DDAH1: variants seen among roughly 807,000 people sequenced by gnomAD.
DDAH1 encodes the protein N(G),N(G)-dimethylarginine dimethylaminohydrolase 1.
In DDAH1, 19 loss-of-function variants were observed where a neutral mutation model predicts 28.8. That is an observed-to-expected ratio of 0.66 (90% CI 0.46 to 0.97). DDAH1 has a LOEUF of 0.97. Ranked by LOEUF, DDAH1 falls within the 50% of genes least tolerant of loss-of-function variation. DDAH1 has a pLI of 0.00. For synonymous variants in DDAH1, 153 were observed against 154.4 expected (o/e 0.99, Z 0.07); for missense variants, 326 against 375.9 (o/e 0.87, Z 1.10).
At chr1:85,481,927 T>C (rs537648838) in intron 2 of DDAH1, among the ~76,000 whole-genome samples, 41 of 152,340 alleles carry the variant, frequency 2.7e-4, no homozygotes, top group African/African-American at 9.4e-4. Flanking sequence ...CTAAGAGCTG[T>C]ATCTCTGCTC....
chr1:85,504,155 A>C (rs1656925512), intron 1 of DDAH1, among the ~76,000 whole-genome samples: 1 of 152,248 alleles, frequency 6.6e-6, no homozygotes, highest in Non-Finnish European at 1.5e-5. Context: ...AGGAGCTGTC[A>C]TAACCTAAGT....
chr1:85,458,954 C>T (rs1655014569), intron 1 of DDAH1, among the ~76,000 whole-genome samples: 1 of 152,084 alleles, frequency 6.6e-6, no homozygotes, highest in South Asian at 2.1e-4. Context: ...ATGAGGCTTT[C>T]TGAAATGGTT....
chr1:85,424,169 G>C (rs1653284842), intron 1 of DDAH1, among the ~76,000 whole-genome samples: 1 of 151,936 alleles, frequency 6.6e-6, no homozygotes. Context: ...TTGGCCTATA[G>C]GCCTTTCTTG....
chr1:85,504,310 T>C (rs1362051106), intron 1 of DDAH1, among the ~76,000 whole-genome samples: 1 of 152,218 alleles, frequency 6.6e-6, no homozygotes, highest in Non-Finnish European at 1.5e-5. Context: ...GACCTTTCTG[T>C]AATTCAATGG....
At chr1:85,523,314 G>A (rs1198346973) in intron 1 of DDAH1, among the ~76,000 whole-genome samples, 12 of 152,080 alleles carry the variant, frequency 7.9e-5, no homozygotes, top group Non-Finnish European at 1.8e-4. Context: ...CTAGGTGACT[G>A]TTTTCTGTGC....
intron 2 of DDAH1, among the ~76,000 whole-genome samples, chr1:85,352,957 G>C (rs546281677): frequency 2.0e-4 from 31 of 151,786 alleles, no homozygotes; most frequent in African/African-American, 7.5e-4. Context: ...ATGATCACGT[G>C]AGGCCTGAGG....
intron 1 of DDAH1, among the ~76,000 whole-genome samples, chr1:85,500,193 T>C (rs1656771220): frequency 6.6e-6 from 1 of 150,782 alleles, no homozygotes. Context: ...TCATCTTTTC[T>C]TCCTTCCTTT....
At chr1:85,322,749 C>T (rs776863575) in intron 5 of DDAH1, among the ~76,000 whole-genome samples, 2 of 152,234 alleles carry the variant, frequency 1.3e-5, no homozygotes, top group African/African-American at 2.4e-5. Flanking sequence ...TGCCTGGCAC[C>T]GGGGAAGCCC....
chr1:85,504,506 T>G (rs1369524752), intron 1 of DDAH1, among the ~76,000 whole-genome samples: 1 of 152,188 alleles, frequency 6.6e-6, no homozygotes, highest in Non-Finnish European at 1.5e-5. Flanking sequence ...ATCATTCAGA[T>G]TTTGAATCAC....
chr1:85,411,766 G>A (rs1258487275), intron 1 of DDAH1, among the ~76,000 whole-genome samples: 1 of 152,234 alleles, frequency 6.6e-6, no homozygotes, highest in Non-Finnish European at 1.5e-5. Context: ...TCCCCATGGG[G>A]ACTGCTGCTG....
At chr1:85,575,057 T>C (rs752430329) in intron 1 of DDAH1, among the ~76,000 whole-genome samples, 2 of 151,674 alleles carry the variant, frequency 1.3e-5, no homozygotes, top group Non-Finnish European at 2.9e-5. Context: ...CTGAGCAACA[T>C]GGGGAGACCC....
At chr1:85,358,911 A>G in intron 1 of DDAH1, 64 bp from the exon 2 acceptor site, 1 of 1,179,876 alleles carries the variant, frequency 8.5e-7, no homozygotes, top group South Asian at 1.3e-5. Context: ...AAAACATCCA[A>G]AACATCTAAA....
At chr1:85,442,568 G>C (rs141311774) in intron 1 of DDAH1, among the ~76,000 whole-genome samples, 6,615 of 152,216 alleles carry the variant, frequency 0.043, 248 homozygotes, top group South Asian at 0.18. Context: ...TGGGTCAAAT[G>C]GTATTTCTAG....
intron 1 of DDAH1, among the ~76,000 whole-genome samples, chr1:85,438,770 G>A (rs1654056612): frequency 6.6e-6 from 1 of 152,188 alleles, no homozygotes. Flanking sequence ...CCTGGAGGAA[G>A]ATCTATTTTT....
intron 4 of DDAH1, among the ~76,000 whole-genome samples, chr1:85,337,247 G>A (rs1648191512): frequency 6.6e-6 from 1 of 152,086 alleles, no homozygotes; most frequent in African/African-American, 2.4e-5. Context: ...CTGCTTTTAT[G>A]AGGTGAGGTG....
At chr1:85,490,423 A>G (rs1656352420) in intron 2 of DDAH1, among the ~76,000 whole-genome samples, 1 of 152,208 alleles carries the variant, frequency 6.6e-6, no homozygotes, top group Admixed American at 6.5e-5. Context: ...TAGTTCTCCC[A>G]CTAATGTAAT....
At chr1:85,431,197 C>T (rs778083319) in intron 1 of DDAH1, among the ~76,000 whole-genome samples, 5 of 152,046 alleles carry the variant, frequency 3.3e-5, no homozygotes, top group Admixed American at 6.5e-5. Flanking sequence ...ATTATGTTTA[C>T]TGATTTGTGT....
chr1:85,364,673 T>C (rs962399595), intron 1 of DDAH1, among the ~76,000 whole-genome samples: 1 of 152,128 alleles, frequency 6.6e-6, no homozygotes, highest in African/African-American at 2.4e-5. Context: ...GCCTCCCGAA[T>C]AGCTTGGATT....
chr1:85,466,340 T>C (rs1402538347), upstream of DDAH1, among the ~76,000 whole-genome samples: 16 of 152,262 alleles, frequency 1.1e-4, no homozygotes, highest in Non-Finnish European at 2.1e-4. Context: ...AACTGCTGCC[T>C]CCCCAGTTCA....
Sources: gnomAD v4.1 joint callset for allele counts (sites outside exome capture counted in the v4.1 genomes callset) on GRCh38, gnomAD v4.1.1 for gene constraint, MANE v1.5 for transcripts, NCBI Gene and HGNC (gene_info 2026-07-23, HGNC 2026-07-21) for gene names.